Variants in MIER3 observed in about 807,000 individuals in gnomAD.
MIER3 encodes MIER family member 3, also known as mesoderm induction early response protein 3.
In MIER3, 9 loss-of-function variants were observed where a neutral mutation model predicts 63.2. The ratio of observed to expected loss-of-function variants is 0.14; its 90% CI spans 0.09 to 0.25. The LOEUF is 0.25. MIER3 is among the 10% of genes least tolerant of loss of function. The pLI is 1.00. For synonymous variants in MIER3, 205 were observed against 224.9 expected, an observed-to-expected ratio of 0.91 and a Z score of 0.79; for missense variants, 512 against 666.2, an observed-to-expected ratio of 0.77 and a Z score of 2.55.
At chr5:56,932,819 G>T (rs528296836) in intron 8 of MIER3, among the ~76,000 whole-genome samples, 13 of 151,984 alleles carry the variant, frequency 8.6e-5, no homozygotes, top group African/African-American at 2.9e-4. Context: ...AAATCTAAAA[G>T]TCCAACCACA....
At chr5:56,943,650 A>T (rs966767811) in intron 3 of MIER3, among the ~76,000 whole-genome samples, 1 of 152,236 alleles carries the variant, frequency 6.6e-6, no homozygotes, top group Admixed American at 6.5e-5. Flanking sequence ...CTTTTAAAGC[A>T]AAACTGGAAA....
intron 3 of MIER3, among the ~76,000 whole-genome samples, chr5:56,944,165 C>T (rs1043535163): frequency 6.6e-6 from 1 of 152,172 alleles, no homozygotes; most frequent in African/African-American, 2.4e-5. Flanking sequence ...CCTCCACCAC[C>T]TGCACTGTTT....
At chr5:56,932,801 C>T (rs1214116548) in intron 8 of MIER3, among the ~76,000 whole-genome samples, 1 of 151,950 alleles carries the variant, frequency 6.6e-6, no homozygotes, top group Non-Finnish European at 1.5e-5. Flanking sequence ...TCAAAGAATA[C>T]ACTTATAAAA....
In MIER3 at chr5:56,923,090, C is replaced by T; in HGVS notation, c.*38G>A. On this transcript the variant is annotated 3_prime_UTR_variant, in exon 13 of 13. Transcript: ENST00000381199. ...AACCTGATAGCTCCCCTCAAGTTTA[C>T]TGGTGCTGCACACGCAGTTCCGGGA... is the stretch of plus-strand genomic sequence containing the variant. 1 of 1,576,666 alleles carries T rather than the reference C, an allele frequency of 6.3e-7. No individual in the cohort carries two copies. The highest frequency in any genetic ancestry group is 8.7e-7 in the Non-Finnish European group (1 of 1,151,612).
Position 56,923,382 on chromosome 5 carries a change from G to C in MIER3, c.1399C>G (p.Pro467Ala). The change falls in exon 13 of 13, where the codon CCT becomes GCT. Residue 467 changes from proline to alanine, a missense_variant. Pro to Ala is a conservative substitution (Grantham distance 27). This residue lies in a region of MIER3 where 218 missense variants were observed against 251.2 expected (regional missense o/e 0.87). Coordinates refer to ENST00000381199, the MANE Select transcript of MIER3 (RefSeq NM_001297599.2). ...GACTCTTCACTGCACATGTTCATAG[G>C]GTTTAGCTCCGAGTGATAAAATCCA... is the stretch of plus-strand genomic sequence containing the variant. ...ETGFYHSELN[P>A]MNMCSEESER... is the part of the protein sequence containing the mutation. 6.2e-7 allele frequency: 1 copy of C among 1,614,120 alleles called. No homozygotes were observed. Among genetic ancestry groups the C allele is most frequent in the Non-Finnish European group, 8.5e-7 (1 of 1,180,030 alleles).
intron 7 of MIER3, among the ~76,000 whole-genome samples, chr5:56,934,034 GT>G (rs1750361668): frequency 6.6e-6 from 1 of 151,976 alleles, no homozygotes; most frequent in Admixed American, 6.6e-5. Flanking sequence ...ATTAAAACAA[GT>G]TTATGTTTTA....
In MIER3 at chr5:56,928,759, T is replaced by G; in HGVS notation, c.924+8A>C. On this transcript the variant is annotated splice_region_variant and intron_variant, in intron 10 of 12. Transcript: ENST00000381199. ...AGTAATTTATCTGTACTAATCTGCC[T>G]AATTTACCTTATTCTTCTGTATAAG... is the stretch of plus-strand genomic sequence containing the variant. The G allele has an allele frequency of 1.9e-6, 3 of 1,596,190 alleles. No individual in the cohort carries two copies. Among genetic ancestry groups the G allele is most frequent in the Non-Finnish European group, 1.7e-6 (2 of 1,164,898 alleles).
chr5:56,944,103 C>A (rs1438446171), intron 3 of MIER3, among the ~76,000 whole-genome samples: 1 of 152,024 alleles, frequency 6.6e-6, no homozygotes, highest in Non-Finnish European at 1.5e-5. Flanking sequence ...CCTCACATAT[C>A]AGAATCAGGA....
At chr5:56,939,935 T>C (rs888220321) in intron 3 of MIER3, among the ~76,000 whole-genome samples, 2 of 152,244 alleles carry the variant, frequency 1.3e-5, no homozygotes, top group South Asian at 4.1e-4. Context: ...CTCTATGATG[T>C]TCACACAGCA....
rs1749593606 is a variant in MIER3 at position 56,920,010 on chromosome 5, G to C, written c.*3118C>G. Reference sequence around the variant, plus strand: ...GGCAAACAATCTCCTTGGTGGTCAGGTTTATTTGTTAGTTTACATTCAAAG... The same window carrying C: ...GGCAAACAATCTCCTTGGTGGTCAGCTTTATTTGTTAGTTTACATTCAAAG... On this transcript the variant is annotated 3_prime_UTR_variant, in exon 13 of 13. Coordinates refer to ENST00000381199, the MANE Select transcript of MIER3 (RefSeq NM_001297599.2). The C allele has an allele frequency of 6.6e-6, 1 of 152,502 alleles. No individual in the cohort carries two copies. The highest frequency in any genetic ancestry group is 2.1e-4 in the South Asian group (1 of 4,824). 9.4% of individuals were successfully genotyped at this position (152,502 alleles called of 1,614,324 possible).
chr5:56,935,221 G>C (rs931575805), intron 7 of MIER3, among the ~76,000 whole-genome samples: 2 of 152,094 alleles, frequency 1.3e-5, no homozygotes, highest in African/African-American at 4.8e-5. Context: ...GTGTGCCTTG[G>C]GCAGGGTTGG....
At position 56,945,188 on chromosome 5, in the gene MIER3, G is replaced by A. The variant is rs186392982; in HGVS notation, c.180+1738C>T. 2.3e-3 allele frequency among the ~76,000 whole-genome samples: 350 copies of A among 152,266 alleles called. 1 individual carries two copies. Among genetic ancestry groups the A allele is most frequent in the African/African-American group, 8.3e-3 (344 of 41,534 alleles). ...CTCTTTAAAAAGTTCTACCAGCCAGGTGTGGTGGCTCATGCTATAATCCCA... is the reference window on the plus strand; with the variant it reads ...CTCTTTAAAAAGTTCTACCAGCCAGATGTGGTGGCTCATGCTATAATCCCA... On this transcript the variant is annotated intron_variant, in intron 3 of 12. Transcript: ENST00000381199.
In MIER3 at chr5:56,923,126, G is replaced by C. The variant is rs752251400; in HGVS notation, c.*2C>G. On this transcript the variant is annotated 3_prime_UTR_variant, in exon 13 of 13. Coordinates refer to ENST00000381199, the MANE Select transcript of MIER3 (RefSeq NM_001297599.2). ...CACGCAGTTCCGGGATCCTCACTCAGGTCACTCAGAGTGTAGGGCCGCGTG... is the reference window on the plus strand; with the variant it reads ...CACGCAGTTCCGGGATCCTCACTCACGTCACTCAGAGTGTAGGGCCGCGTG... 2 of 1,611,450 alleles carry C rather than the reference G, an allele frequency of 1.2e-6. No individual in the cohort carries two copies. Among genetic ancestry groups the C allele is most frequent in the South Asian group, 2.2e-5 (2 of 91,040 alleles).
intron 7 of MIER3, 85 bp downstream of exon 7, chr5:56,935,343 C>A: frequency 9.8e-7 from 1 of 1,025,522 alleles, no homozygotes; most frequent in Non-Finnish European, 1.4e-6. Context: ...ATTGCCAAGG[C>A]TGGTATAAAG....
Position 56,922,894 on chromosome 5 carries a change from T to C in MIER3, c.*234A>G. The stretch of plus-strand genomic sequence containing the variant: ...GGAAGAGAGAAGCAGAGCTTAAAGC[T>C]GCACCACAGAGTTCAATCTTAGTTC... On this transcript the variant is annotated 3_prime_UTR_variant, in exon 13 of 13. Coordinates refer to ENST00000381199, the MANE Select transcript of MIER3 (RefSeq NM_001297599.2). The C allele has an allele frequency of 2.0e-6, 1 of 510,590 alleles. No individual in the cohort carries two copies. The highest frequency in any genetic ancestry group is 2.4e-5 in the South Asian group (1 of 42,486). The allele number at this position is 510,590 out of a possible 1,614,324, so 31.6% of individuals were successfully genotyped here. A position where few individuals can be genotyped will look rare whatever the true frequency, so the allele number is the denominator to read the frequency against.
chr5:56,951,799 C>T (rs1751043890), intron 1 of MIER3, among the ~76,000 whole-genome samples: 3 of 151,710 alleles, frequency 2.0e-5, no homozygotes, highest in Admixed American at 2.0e-4. Context: ...CTGCCTCGTC[C>T]CTGGGGCAGG....
chr5:56,927,464 T>C (rs1455538842), intron 10 of MIER3, among the ~76,000 whole-genome samples: 1 of 152,134 alleles, frequency 6.6e-6, no homozygotes, highest in African/African-American at 2.4e-5. Flanking sequence ...CCAAAATGCT[T>C]CAGAACCCTG....
At chr5:56,941,403 TAC>T (rs1579857893) in intron 3 of MIER3, 1 of 152,236 alleles carries the variant, frequency 6.6e-6, no homozygotes, top group Non-Finnish European at 1.5e-5. Flanking sequence ...AGCCCTGAGA[TAC>T]AGAGTAACAC....
intron 10 of MIER3, among the ~76,000 whole-genome samples, chr5:56,924,299 G>A (rs943839306): frequency 6.6e-6 from 1 of 152,026 alleles, no homozygotes; most frequent in Non-Finnish European, 1.5e-5. Context: ...TAAAACAAGT[G>A]TGTATCCAGA....
Sources: gnomAD v4.1 joint callset for allele counts (sites outside exome capture counted in the v4.1 genomes callset) on GRCh38, gnomAD v4.1.1 for gene constraint, gnomAD v4.1.1 regional missense constraint, MANE v1.5 for transcripts, NCBI Gene and HGNC (gene_info 2026-07-23, HGNC 2026-07-21) for gene names.